The following KAZN variants were observed in gnomAD, a reference collection of about 807,000 sequenced individuals.
The protein encoded by KAZN is kazrin.
KAZN carries 40 observed loss-of-function variants against 87.4 expected under a neutral mutation model. The ratio of observed to expected loss-of-function variants is 0.46; its 90% confidence interval spans 0.36 to 0.60. The LOEUF (loss-of-function observed/expected upper bound fraction) is 0.60. Among genes scored for constraint, KAZN ranks in the 20% least tolerant of loss-of-function variants. The pLI is 0.00. For missense variants in KAZN, 898 were observed against 1,073.9 expected (o/e 0.84, Z 2.29); for synonymous variants, 466 against 458.3 (o/e 1.02, Z -0.22).
rs1047275584 is a variant in KAZN, at chr1:15,104,317, T to C, written c.2048+128T>C. The C allele has an allele frequency of 2.3e-5, 22 of 974,656 alleles. No homozygotes were observed. The African/African-American group carries it at 3.6e-4, about 16-fold the overall frequency. The allele number at this position is 974,656 out of a possible 1,614,324, so 60.4% of individuals were successfully genotyped here. Reference sequence around the variant, plus strand: ...TGCCTCCCACTCGTTCTTTGCACCATGGTGGTCACCTTTTACAGATCAGGA... The same window carrying C: ...TGCCTCCCACTCGTTCTTTGCACCACGGTGGTCACCTTTTACAGATCAGGA... On this transcript the variant is annotated intron_variant, in intron 13 of 14. Transcript: ENST00000376030.
chr1:15,001,393 G>T (rs1189579799), intron 2 of KAZN, among the ~76,000 whole-genome samples: 3 of 151,800 alleles, frequency 2.0e-5, no homozygotes, highest in Admixed American at 2.0e-4. Flanking sequence ...TTGAACCCAG[G>T]AGGCGGAGGT....
At chr1:14,746,712 A>G (rs1318567605) in intron 1 of KAZN, among the ~76,000 whole-genome samples, 1 of 152,144 alleles carries the variant, frequency 6.6e-6, no homozygotes, top group African/African-American at 2.4e-5. Context: ...GAGTGTCAAA[A>G]TATGGGGTGT....
chr1:14,276,502 A>T (rs1262329964), intron 2 of KAZN, among the ~76,000 whole-genome samples: 1 of 152,154 alleles, frequency 6.6e-6, no homozygotes, highest in Non-Finnish European at 1.5e-5. Flanking sequence ...TCAAGGTGTC[A>T]GCAGGGTTGG....
Position 15,069,932 on chromosome 1 carries a change from A to C in KAZN, c.1222+4179A>C, listed in dbSNP as rs1639431742. 2.6e-5 allele frequency among the ~76,000 whole-genome samples: 4 copies of C among 152,188 alleles called. No homozygotes were observed. In the South Asian group the frequency reaches 8.3e-4, roughly 31 times the overall value. On this transcript the variant is annotated intron_variant, in intron 8 of 14. Transcript: ENST00000376030. Reference sequence around the variant, plus strand: ...AATAACAATAATAATAATATCTAACATTGATTAGGCATTTACCACAGGCCA... The same window carrying C: ...AATAACAATAATAATAATATCTAACCTTGATTAGGCATTTACCACAGGCCA...
Position 15,063,617 on chromosome 1 carries a change from G to T in KAZN, c.1093G>T (p.Val365Leu). The T allele has an allele frequency of 2.5e-6, 4 of 1,613,694 alleles. No homozygotes were observed. Among genetic ancestry groups the T allele is most frequent in the Non-Finnish European group, 3.4e-6 (4 of 1,179,588 alleles). Residue 365 changes from valine (V) to leucine (L), a missense_variant, in exon 7 of 15, where the codon GTA (valine) becomes TTA (leucine). Transcript: ENST00000376030. ...PVQKNLHNPI[V>L]QSLEDLEDQK... Reference sequence around the variant, plus strand: ...TCAGAAGAACCTGCACAACCCTATTGTACAGGTAGGTGTGCCCTCCCTGGC... The same window carrying T: ...TCAGAAGAACCTGCACAACCCTATTTTACAGGTAGGTGTGCCCTCCCTGGC...
intron 1 of KAZN, among the ~76,000 whole-genome samples, chr1:14,906,963 A>G (rs529848423): frequency 6.6e-6 from 1 of 151,976 alleles, no homozygotes; most frequent in East Asian, 1.9e-4. Context: ...TGGGGGAAGA[A>G]TGACCCCCAG....
chr1:13,944,003 T>TAGGAACC (rs70987705), intron 1 of KAZN, among the ~76,000 whole-genome samples: 21,046 of 152,138 alleles, frequency 0.14, 1,522 homozygotes, highest in Middle Eastern at 0.22. Context: ...AAAACTATCA[T>TAGGAACC]AGCAATTCCA....
intron 1 of KAZN, among the ~76,000 whole-genome samples, chr1:14,905,917 A>C (rs576652137): frequency 3.9e-3 from 563 of 142,800 alleles, no homozygotes; most frequent in African/African-American, 0.012. Context: ...GCCTGTAATC[A>C]CAGCACTTTG....
chr1:13,965,270 C>T (rs1641901597), intron 1 of KAZN, among the ~76,000 whole-genome samples: 1 of 152,056 alleles, frequency 6.6e-6, no homozygotes, highest in African/African-American at 2.4e-5. Context: ...GCAGGGGGAC[C>T]TGATGGGAGG....
intron 1 of KAZN, among the ~76,000 whole-genome samples, chr1:14,878,041 G>T (rs905081791): frequency 6.6e-6 from 1 of 152,122 alleles, no homozygotes; most frequent in African/African-American, 2.4e-5. Context: ...TGCATTTAAA[G>T]TCAGACCAAG....
At chr1:14,157,597 G>A (rs1645622121) in intron 1 of KAZN, among the ~76,000 whole-genome samples, 1 of 152,160 alleles carries the variant, frequency 6.6e-6, no homozygotes, top group South Asian at 2.1e-4. Flanking sequence ...TGCTGCCAGA[G>A]GTATTGGGGC....
intron 1 of KAZN, among the ~76,000 whole-genome samples, chr1:14,611,688 C>CAAA (rs34013908): frequency 8.4e-6 from 1 of 119,702 alleles, no homozygotes; most frequent in Non-Finnish European, 1.8e-5. Flanking sequence ...CACCCTGTCT[C>CAAA]AAAAAAAAAA....
At chr1:13,990,608 A>G (rs1206539824) in intron 1 of KAZN, among the ~76,000 whole-genome samples, 1 of 152,192 alleles carries the variant, frequency 6.6e-6, no homozygotes, top group Non-Finnish European at 1.5e-5. Context: ...GGTTTGGGTT[A>G]CATAGGTGCA....
chr1:14,594,078 C>T (rs1676351589), upstream of KAZN, among the ~76,000 whole-genome samples: 1 of 152,176 alleles, frequency 6.6e-6, no homozygotes, highest in African/African-American at 2.4e-5. Context: ...CCTTCTAGGA[C>T]CAAATAGCGT....
intron 1 of KAZN, among the ~76,000 whole-genome samples, chr1:14,616,238 T>A (rs1242456187): frequency 6.6e-6 from 1 of 152,138 alleles, no homozygotes; most frequent in Non-Finnish European, 1.5e-5. Context: ...ACCTCTGGCC[T>A]CTTGGTCCAA....
chr1:14,265,700 G>A (rs2100664559), intron 2 of KAZN, among the ~76,000 whole-genome samples: 1 of 152,282 alleles, frequency 6.6e-6, no homozygotes, highest in African/African-American at 2.4e-5. Flanking sequence ...TTGGGACTCA[G>A]GAAGGAACAG....
At chr1:14,796,696 G>A (rs1228249372) in intron 1 of KAZN, among the ~76,000 whole-genome samples, 1 of 152,206 alleles carries the variant, frequency 6.6e-6, no homozygotes, top group Non-Finnish European at 1.5e-5. Context: ...CTCTCCATTG[G>A]GTGTTTCCTC....
intron 2 of KAZN, among the ~76,000 whole-genome samples, chr1:14,484,976 A>G (rs534000430): frequency 2.0e-5 from 3 of 152,294 alleles, no homozygotes; most frequent in Non-Finnish European, 2.9e-5. Flanking sequence ...ATGGGACAAA[A>G]TTCTCCCCCA....
intron 2 of KAZN, among the ~76,000 whole-genome samples, chr1:14,188,914 A>G (rs1345526248): frequency 1.3e-5 from 2 of 152,194 alleles, no homozygotes; most frequent in Non-Finnish European, 2.9e-5. Context: ...ATAGAGAGCC[A>G]AATGTATGCC....
Sources: gnomAD v4.1 joint callset for allele counts (sites outside exome capture counted in the v4.1 genomes callset) on GRCh38, gnomAD v4.1.1 for gene constraint, MANE v1.5 for transcripts, NCBI Gene and HGNC (gene_info 2026-07-23, HGNC 2026-07-21) for gene names.